The following NRXN1 variants were observed in gnomAD, a reference collection of about 807,000 sequenced individuals.
The protein encoded by NRXN1 is neurexin 1, also known as neurexin-1.
Under a neutral mutation model 150.9 loss-of-function variants are expected in NRXN1, and 39 were observed. The observed-to-expected ratio is 0.26, with a 90% confidence interval of 0.20 to 0.34. The LOEUF is 0.34. NRXN1 is among the 10% of genes least tolerant of loss of function. The pLI, the probability that NRXN1 is intolerant of heterozygous loss-of-function variation, is 1.00. For missense variants in NRXN1, 1,815 were observed against 1,949.9 expected (o/e 0.93, Z 1.30); for synonymous variants, 924 against 757.0 (o/e 1.22, Z -3.62).
chr2:50,434,532 T>A (rs1236063888), intron 17 of NRXN1, among the ~76,000 whole-genome samples: 1 of 152,126 alleles, frequency 6.6e-6, no homozygotes, highest in Non-Finnish European at 1.5e-5. Flanking sequence ...TGTGAGTAAG[T>A]GACATATCCT....
chr2:49,949,838 G>A (rs907359712), intron 21 of NRXN1, among the ~76,000 whole-genome samples: 3 of 151,974 alleles, frequency 2.0e-5, no homozygotes, highest in South Asian at 4.1e-4. Flanking sequence ...GCTGAAATAT[G>A]ATATCTTTGG....
intron 18 of NRXN1, among the ~76,000 whole-genome samples, chr2:50,212,749 C>T (rs2063126179): frequency 1.3e-5 from 2 of 151,958 alleles, no homozygotes; most frequent in African/African-American, 2.4e-5. Flanking sequence ...GAATAAGATG[C>T]CTTTGTCAAT....
chr2:50,335,126 T>C (rs1010423425), intron 17 of NRXN1, among the ~76,000 whole-genome samples: 14 of 152,182 alleles, frequency 9.2e-5, no homozygotes, highest in Admixed American at 8.5e-4. Flanking sequence ...AGAACCTCTT[T>C]AGAAAGAGGA....
At chr2:51,021,506 C>T (rs35397701) in intron 2 of NRXN1, among the ~76,000 whole-genome samples, 1 of 151,620 alleles carries the variant, frequency 6.6e-6, no homozygotes, top group Non-Finnish European at 1.5e-5. Context: ...CAATTTAATT[C>T]ACATTTAATG....
chr2:50,489,313 A>C (rs920402039), intron 15 of NRXN1, among the ~76,000 whole-genome samples: 38 of 152,058 alleles, frequency 2.5e-4, no homozygotes, highest in African/African-American at 8.0e-4. Context: ...TTAAAGTTTC[A>C]CCAAAAGCAG....
intron 5 of NRXN1, among the ~76,000 whole-genome samples, chr2:50,753,967 G>A (rs916208640): frequency 1.4e-5 from 2 of 141,550 alleles, no homozygotes; most frequent in African/African-American, 5.3e-5. Context: ...TTTTTTTTGG[G>A]GGGGGGCGGA....
chr2:50,253,453 T>C (rs993394072), intron 17 of NRXN1, among the ~76,000 whole-genome samples: 2 of 152,100 alleles, frequency 1.3e-5, no homozygotes, highest in African/African-American at 2.4e-5. Flanking sequence ...ACAATGTTGA[T>C]TGGAAGTTGT....
At chr2:50,091,884 T>G (rs114619103) in intron 18 of NRXN1, among the ~76,000 whole-genome samples, 1 of 152,232 alleles carries the variant, frequency 6.6e-6, no homozygotes, top group Non-Finnish European at 1.5e-5. Context: ...ACTGGTGAAA[T>G]CAGAGCAATG....
At chr2:50,050,450 T>C (rs1692539637) in intron 21 of NRXN1, among the ~76,000 whole-genome samples, 1 of 151,986 alleles carries the variant, frequency 6.6e-6, no homozygotes, top group African/African-American at 2.4e-5. Flanking sequence ...GTGTTATCAC[T>C]GAGAAAAATG....
At chr2:50,935,598 G>A (rs1437556862) in intron 2 of NRXN1, among the ~76,000 whole-genome samples, 1 of 152,018 alleles carries the variant, frequency 6.6e-6, no homozygotes, top group African/African-American at 2.4e-5. Context: ...ATGGTGGCAG[G>A]CACCTGTAAT....
rs368287544 is a variant in NRXN1, at chr2:49,983,724, A to C, written c.4129-39933T>G. 3.3e-5 allele frequency among the ~76,000 whole-genome samples: 5 copies of C among 152,344 alleles called. No individual in the cohort carries two copies. In the East Asian group the frequency reaches 5.8e-4, roughly 18 times the overall value. The stretch of plus-strand genomic sequence containing the variant: ...AGAAACCACCTGTGGAGAACACAGC[A>C]TGTACATGGCCCCACTGTAGATGGA... On this transcript the variant is annotated intron_variant, in intron 21 of 22. Coordinates refer to ENST00000401669, the MANE Select transcript of NRXN1 (RefSeq NM_001330078.2).
intron 21 of NRXN1, among the ~76,000 whole-genome samples, chr2:50,040,159 G>C (rs770000092): frequency 2.6e-5 from 4 of 152,042 alleles, no homozygotes; most frequent in Non-Finnish European, 5.9e-5. Context: ...AATAAAATGA[G>C]ATCATGAGAT....
chr2:50,055,559 T>C (rs576611114), intron 19 of NRXN1, among the ~76,000 whole-genome samples: 35 of 152,186 alleles, frequency 2.3e-4, no homozygotes, highest in Non-Finnish European at 4.9e-4. Flanking sequence ...AAAACAGAAA[T>C]TCTTATTCAC....
chr2:50,384,231 G>A (rs1404086142), intron 17 of NRXN1, among the ~76,000 whole-genome samples: 1 of 152,142 alleles, frequency 6.6e-6, no homozygotes, highest in African/African-American at 2.4e-5. Context: ...TCTCAGCCGG[G>A]TGCGGTGGCT....
intron 17 of NRXN1, among the ~76,000 whole-genome samples, chr2:50,448,733 G>GATT (rs1322417473): frequency 2.6e-5 from 4 of 152,106 alleles, no homozygotes; most frequent in African/African-American, 9.7e-5. Context: ...CACCGGAGTG[G>GATT]ATTATTACCG....
At chr2:50,515,092 C>G (rs1041630226) in intron 12 of NRXN1, among the ~76,000 whole-genome samples, 13 of 152,172 alleles carry the variant, frequency 8.5e-5, no homozygotes, top group Middle Eastern at 3.2e-3. Flanking sequence ...TTTACAGCCG[C>G]TCTCCATTAC....
At chr2:49,947,843 A>G (rs1010160669) in intron 21 of NRXN1, among the ~76,000 whole-genome samples, 1 of 152,102 alleles carries the variant, frequency 6.6e-6, no homozygotes, top group Non-Finnish European at 1.5e-5. Context: ...AAATTAGTAC[A>G]TGAAAAGTAC....
chr2:50,497,817 C>G, intron 13 of NRXN1, 103 bp from the exon 14 acceptor site: 3 of 1,048,988 alleles, frequency 2.9e-6, no homozygotes, highest in Non-Finnish European at 4.2e-6. Context: ...GGAGCCAAAT[C>G]CCTCCTTGGT....
intron 5 of NRXN1, among the ~76,000 whole-genome samples, chr2:50,834,498 A>G (rs1410061983): frequency 6.6e-6 from 1 of 152,144 alleles, no homozygotes; most frequent in Non-Finnish European, 1.5e-5. Context: ...AACTAAGGTG[A>G]CTTTTTTGGA....
Sources: gnomAD v4.1 joint callset for allele counts (sites outside exome capture counted in the v4.1 genomes callset) on GRCh38, gnomAD v4.1.1 for gene constraint, MANE v1.5 for transcripts, NCBI Gene and HGNC (gene_info 2026-07-23, HGNC 2026-07-21) for gene names.